Variants in DIAPH1 observed in about 807,000 individuals in gnomAD.
DIAPH1 encodes protein diaphanous homolog 1.
DIAPH1 carries 46 observed loss-of-function variants against 140.7 expected under a neutral mutation model. The observed-to-expected ratio is 0.33, with a 90% confidence interval of 0.26 to 0.42. DIAPH1 has a LOEUF of 0.42. DIAPH1 is among the 10% of genes least tolerant of loss of function. The probability of loss-of-function intolerance (pLI) is 1.00; values close to 1 mark genes in which losing one functional copy is unlikely to be tolerated. For missense variants in DIAPH1, 1,310 were observed against 1,558.7 expected, an observed-to-expected ratio of 0.84 and a Z score of 2.69; for synonymous variants, 565 against 551.6, an observed-to-expected ratio of 1.02 and a Z score of -0.34.
At chr5:141,615,220 G>A (rs868180556) in intron 1 of DIAPH1, among the ~76,000 whole-genome samples, 1 of 151,708 alleles carries the variant, frequency 6.6e-6, no homozygotes, top group South Asian at 2.1e-4. Context: ...CGGATCACGA[G>A]GTCAGGAATT....
chr5:141,520,928 T>G lies in DIAPH1; in HGVS notation c.3661+3215A>C, dbSNP rs376733436. On this transcript the variant is annotated intron_variant, in intron 27 of 27. Transcript: ENST00000389054. ...TTATTTTTATTTTTTTGAGATGGAG[T>G]CTCATTCTGTCACCCAGGCTGAAGT... 9.2e-5 allele frequency among the ~76,000 whole-genome samples: 14 copies of G among 151,976 alleles called. No individual in the cohort carries two copies. The South Asian group carries it at 2.9e-3, about 32-fold the overall frequency.
intron 27 of DIAPH1, among the ~76,000 whole-genome samples, chr5:141,520,618 C>A (rs551947099): frequency 1.7e-4 from 26 of 152,258 alleles, no homozygotes; most frequent in African/African-American, 5.5e-4. Flanking sequence ...CCAAATAAAC[C>A]CCTTTTCTTT....
chr5:141,526,278 G>T lies in DIAPH1; in HGVS notation c.3438+19C>A, dbSNP rs1463294135. On this transcript the variant is annotated intron_variant, in intron 25 of 27. Transcript: ENST00000389054. ...GAAATGCCCACAAAAGATTCAGTCAGCAAGTATCCCTTGCTCACCAAAAAC... is the reference window on the plus strand; with the variant it reads ...GAAATGCCCACAAAAGATTCAGTCATCAAGTATCCCTTGCTCACCAAAAAC... The T allele has an allele frequency of 1.2e-6, 2 of 1,614,170 alleles. No homozygotes were observed. The highest frequency in any genetic ancestry group is 1.7e-6 in the Non-Finnish European group (2 of 1,180,016).
chr5:141,564,199 C>T (rs559570727), intron 18 of DIAPH1: 12 of 152,186 alleles, frequency 7.9e-5, no homozygotes, highest in Non-Finnish European at 1.6e-4. Flanking sequence ...AGGACAAGAT[C>T]CTTTTGTAAA....
At chr5:141,599,257 T>C (rs1184588465) in intron 1 of DIAPH1, among the ~76,000 whole-genome samples, 1 of 152,166 alleles carries the variant, frequency 6.6e-6, no homozygotes, top group Non-Finnish European at 1.5e-5. Flanking sequence ...GTGCTTCACA[T>C]GGACAGTTAA....
rs138487229 is a variant in DIAPH1, at chr5:141,519,783, C to G, written c.3662-2775G>C. Among the ~76,000 whole-genome samples the G allele has an allele frequency of 7.6e-3, 1,158 of 152,320 alleles. 20 individuals carry two copies. The highest frequency in any genetic ancestry group is 0.026 in the African/African-American group (1,101 of 41,556). On this transcript the variant is annotated intron_variant, in intron 27 of 27. Transcript: ENST00000389054. ...AACAGGTCTCCCAGCTTTCCACTCACTCACCATTATGCTCAGCAGGTTGAA... is the reference window on the plus strand; with the variant it reads ...AACAGGTCTCCCAGCTTTCCACTCAGTCACCATTATGCTCAGCAGGTTGAA...
At chr5:141,525,858 T>C (rs1227264498) in intron 26 of DIAPH1, among the ~76,000 whole-genome samples, 180 bp downstream of exon 26, 1 of 151,988 alleles carries the variant, frequency 6.6e-6, no homozygotes, top group African/African-American at 2.4e-5. Context: ...CCAGGGCAAG[T>C]TGGAATGCGC....
chr5:141,528,686 T>TAC lies in DIAPH1; in HGVS notation c.3018+14_3018+15dup. ...CAGCCTTCCTTGTGTTGTCCTGCCC[T>TAC]ACCTCTTTGGCTCACCTTACAGAGG... is the stretch of plus-strand genomic sequence containing the variant. On this transcript the variant is annotated intron_variant, in intron 22 of 27. Transcript: ENST00000389054. 6.2e-7 allele frequency: 1 copy of TAC among 1,614,230 alleles called. No individual in the cohort carries two copies. The highest frequency in any genetic ancestry group is 1.1e-5 in the South Asian group (1 of 91,090).
At chr5:141,611,711 G>A (rs904802011) in intron 1 of DIAPH1, among the ~76,000 whole-genome samples, 7 of 152,200 alleles carry the variant, frequency 4.6e-5, no homozygotes, top group African/African-American at 1.4e-4. Context: ...TCTTAAGAAA[G>A]ATATATAAAC....
At chr5:141,584,073 C>T (rs1297377491) in intron 4 of DIAPH1, 51 bp downstream of exon 4, 2 of 1,242,478 alleles carry the variant, frequency 1.6e-6, no homozygotes, top group East Asian at 2.3e-5. Context: ...AAAACAGGTC[C>T]AAGACAAGGG....
chr5:141,546,848 G>A (rs1418069522), intron 18 of DIAPH1, among the ~76,000 whole-genome samples: 4 of 152,174 alleles, frequency 2.6e-5, no homozygotes, highest in African/African-American at 9.7e-5. Context: ...TTCCTGACTG[G>A]ATTAACACAA....
intron 18 of DIAPH1, chr5:141,558,541 G>T (rs996016286): frequency 6.6e-6 from 1 of 152,188 alleles, no homozygotes; most frequent in African/African-American, 2.4e-5. Flanking sequence ...TGAGAACACG[G>T]ACTGAGTCAG....
Position 141,580,822 on chromosome 5 carries a change from T to C in DIAPH1, c.746A>G (p.Asp249Gly). The change falls in exon 8 of 28, where the codon GAT becomes GGT. Residue 249 changes from aspartate to glycine, a missense_variant. By Grantham distance (94) the Asp-to-Gly change is moderately conservative. Coordinates refer to ENST00000389054, the MANE Select transcript of DIAPH1 (RefSeq NM_005219.5). ...AATCATCATGTTGGGAACAGCAGGA[T>C]CCATGGCTCTGACCAGCAGTAGGAT... ...EGILLLVRAM[D>G]PAVPNMMIDA... 1 of 1,614,174 alleles carries C rather than the reference T, an allele frequency of 6.2e-7. No homozygotes were observed. Among genetic ancestry groups the C allele is most frequent in the South Asian group, 1.1e-5 (1 of 91,086 alleles).
In DIAPH1 at chr5:141,587,146, A is replaced by C; in HGVS notation, c.196T>G (p.Ser66Ala). ...RIKKEKEKPN[S>A]AHRNSSASYG... Reference sequence around the variant, plus strand: ...GATGCAGAAGAATTTCTATGAGCAGAATTGGGCTTTTCCTTCTCCTTCTTA... The same window carrying C: ...GATGCAGAAGAATTTCTATGAGCAGCATTGGGCTTTTCCTTCTCCTTCTTA... The change falls in exon 3 of 28, where the codon TCT (serine) becomes GCT (alanine). Residue 66 changes from serine to alanine, a missense_variant. By Grantham distance (99) the Ser-to-Ala change is moderately conservative. Coordinates refer to ENST00000389054, the MANE Select transcript of DIAPH1 (RefSeq NM_005219.5). 1 of 1,614,174 alleles carries C rather than the reference A, an allele frequency of 6.2e-7. No homozygotes were observed. Among genetic ancestry groups the C allele is most frequent in the Non-Finnish European group, 8.5e-7 (1 of 1,180,020 alleles).
At chr5:141,586,899 T>C (rs1399507329) in intron 3 of DIAPH1, 143 bp downstream of exon 3, 1 of 838,644 alleles carries the variant, frequency 1.2e-6, no homozygotes, top group East Asian at 2.5e-5. Flanking sequence ...AATTATGGGA[T>C]TAAAGGGTTA....
At chr5:141,585,659 G>C (rs1232624251) in intron 3 of DIAPH1, among the ~76,000 whole-genome samples, 1 of 152,100 alleles carries the variant, frequency 6.6e-6, no homozygotes, top group African/African-American at 2.4e-5. Context: ...AATTAGCCGG[G>C]CATGGTGGTG....
chr5:141,576,916 T>A, intron 12 of DIAPH1, 45 bp from the exon 13 acceptor site: 7 of 1,224,760 alleles, frequency 5.7e-6, no homozygotes, highest in Non-Finnish European at 8.5e-6. Context: ...AATCAAAATA[T>A]AATTTTCAGA....
At chr5:141,555,518 T>C (rs75065885) in intron 18 of DIAPH1, among the ~76,000 whole-genome samples, 10,767 of 152,244 alleles carry the variant, frequency 0.071, 511 homozygotes, top group South Asian at 0.12. Context: ...GCACCTAATA[T>C]ACAACCTTAT....
intron 18 of DIAPH1, among the ~76,000 whole-genome samples, chr5:141,548,043 TA>T (rs2099891084): frequency 6.6e-6 from 1 of 151,736 alleles, no homozygotes; most frequent in African/African-American, 2.4e-5. Context: ...ACAAAACAAC[TA>T]AAAAATTAGC....
Sources: gnomAD v4.1 joint callset for allele counts (sites outside exome capture counted in the v4.1 genomes callset) on GRCh38, gnomAD v4.1.1 for gene constraint, MANE v1.5 for transcripts, NCBI Gene and HGNC (gene_info 2026-07-23, HGNC 2026-07-21) for gene names.